NTRK2: variants seen among roughly 807,000 people sequenced by gnomAD.
NTRK2 encodes BDNF/NT-3 growth factors receptor.
In NTRK2, 13 loss-of-function variants were observed where a neutral mutation model predicts 94.5. The ratio of observed to expected loss-of-function variants is 0.14; its 90% confidence interval spans 0.09 to 0.22. The LOEUF is 0.22. NTRK2 is among the 10% of genes least tolerant of loss of function. NTRK2 has a pLI of 1.00. For missense variants in NTRK2, 639 were observed against 1,071.2 expected, an observed-to-expected ratio of 0.60 and a Z score of 5.63; for synonymous variants, 372 against 407.4, an observed-to-expected ratio of 0.91 and a Z score of 1.05.
chr9:84,763,296 C>T (rs979443620), intron 12 of NTRK2, among the ~76,000 whole-genome samples: 11 of 152,096 alleles, frequency 7.2e-5, no homozygotes, highest in Non-Finnish European at 1.3e-4. Context: ...AACCCTCATA[C>T]TTGACCTGGG....
intron 17 of NTRK2, among the ~76,000 whole-genome samples, chr9:84,999,400 C>G (rs1830102193): frequency 1.3e-5 from 2 of 152,116 alleles, no homozygotes; most frequent in African/African-American, 4.8e-5. Flanking sequence ...ATGTCTTTAG[C>G]TATGGTACTA....
chr9:84,901,521 C>T (rs781356998), intron 14 of NTRK2, among the ~76,000 whole-genome samples: 4 of 152,052 alleles, frequency 2.6e-5, no homozygotes, highest in Non-Finnish European at 5.9e-5. Context: ...TGTTAGCCAC[C>T]GCGCCCGACC....
chr9:84,692,468 C>CTTT (rs71369138), intron 2 of NTRK2, among the ~76,000 whole-genome samples: 5 of 87,688 alleles, frequency 5.7e-5, no homozygotes, highest in East Asian at 3.5e-4. Context: ...TTCTTTTTTT[C>CTTT]TTTTTTTTTT....
At chr9:84,688,062 G>A (rs2059825568) in intron 2 of NTRK2, among the ~76,000 whole-genome samples, 2 of 152,322 alleles carry the variant, frequency 1.3e-5, no homozygotes, top group South Asian at 2.1e-4. Flanking sequence ...GCACCCTCAG[G>A]AAGATGGATC....
intron 14 of NTRK2, among the ~76,000 whole-genome samples, chr9:84,894,879 G>T (rs2076714358): frequency 1.3e-5 from 2 of 152,140 alleles, no homozygotes; most frequent in Admixed American, 6.5e-5. Flanking sequence ...GAGGGAAATT[G>T]GACAGGCATC....
At chr9:84,980,282 GA>G in intron 17 of NTRK2, among the ~76,000 whole-genome samples, 1 of 152,094 alleles carries the variant, frequency 6.6e-6, no homozygotes, top group Non-Finnish European at 1.5e-5. Context: ...TGGACTTTTA[GA>G]TTTTTTCTGT....
At chr9:85,012,339 A>C (rs1386306447) in intron 17 of NTRK2, among the ~76,000 whole-genome samples, 4 of 152,050 alleles carry the variant, frequency 2.6e-5, no homozygotes, top group Non-Finnish European at 5.9e-5. Context: ...CCCATAGTAT[A>C]ATTCACCCTT....
chr9:84,853,479 A>C (rs575300350), intron 12 of NTRK2, among the ~76,000 whole-genome samples: 1 of 152,356 alleles, frequency 6.6e-6, no homozygotes, highest in Non-Finnish European at 1.5e-5. Flanking sequence ...GCCACAAATC[A>C]GGAGAGTAGC....
intron 12 of NTRK2, among the ~76,000 whole-genome samples, chr9:84,823,938 G>A (rs957893730): frequency 6.6e-6 from 1 of 152,160 alleles, no homozygotes; most frequent in African/African-American, 2.4e-5. Context: ...GCTGAGATGA[G>A]GATTCATGTG....
chr9:84,728,645 G>T (rs1396527862), intron 9 of NTRK2, among the ~76,000 whole-genome samples: 1 of 152,062 alleles, frequency 6.6e-6, no homozygotes, highest in African/African-American at 2.4e-5. Flanking sequence ...TAGTGTCTTG[G>T]ACTGTTTTGC....
chr9:84,804,600 G>A (rs912408279), intron 12 of NTRK2, among the ~76,000 whole-genome samples: 1 of 152,162 alleles, frequency 6.6e-6, no homozygotes, highest in African/African-American at 2.4e-5. Context: ...GTAAGTTTCA[G>A]CACTCTGGCT....
intron 14 of NTRK2, chr9:84,875,233 G>A: frequency 9.5e-7 from 1 of 1,058,190 alleles, no homozygotes. Context: ...AGATTGTGCT[G>A]CACAGTGTGT....
Position 84,944,211 on chromosome 9 carries a change from T to A in NTRK2, c.1765-4251T>A, listed in dbSNP as rs1035797761. ...AGCTTGTTCTCTCTCTCTCTCTCTC[T>A]CTCTCACACACACACACACACACAC... On this transcript the variant is annotated intron_variant, in intron 15 of 18. Coordinates refer to ENST00000277120, the MANE Select transcript of NTRK2 (RefSeq NM_006180.6). 7.0e-3 allele frequency among the ~76,000 whole-genome samples: 978 copies of A among 138,852 alleles called. 16 individuals carry two copies. Among genetic ancestry groups the A allele is most frequent in the African/African-American group, 0.026 (906 of 34,836 alleles). 91.1% of individuals were successfully genotyped at this position (138,852 alleles called of 152,430 possible). A position where few individuals can be genotyped will look rare whatever the true frequency, so the allele number is the denominator to read the frequency against.
intron 14 of NTRK2, among the ~76,000 whole-genome samples, chr9:84,871,199 A>G (rs868058041): frequency 3.9e-5 from 6 of 152,198 alleles, no homozygotes; most frequent in African/African-American, 1.4e-4. Context: ...CAAAACCCCA[A>G]TTACCAACAA....
At chr9:84,674,211 T>G (rs2058884874) in intron 2 of NTRK2, among the ~76,000 whole-genome samples, 1 of 152,232 alleles carries the variant, frequency 6.6e-6, no homozygotes, top group Non-Finnish European at 1.5e-5. Flanking sequence ...TGCATTTTTA[T>G]GTTGCACGTG....
chr9:84,757,285 T>G (rs1031075573), intron 12 of NTRK2, among the ~76,000 whole-genome samples: 1 of 152,218 alleles, frequency 6.6e-6, no homozygotes, highest in Non-Finnish European at 1.5e-5. Flanking sequence ...CACCTTCTTC[T>G]GCATGACCAT....
At chr9:84,758,162 G>T (rs1345152067) in intron 12 of NTRK2, among the ~76,000 whole-genome samples, 1 of 151,200 alleles carries the variant, frequency 6.6e-6, no homozygotes, top group Non-Finnish European at 1.5e-5. Context: ...GATATTTGTG[G>T]CTCATATTTT....
intron 14 of NTRK2, among the ~76,000 whole-genome samples, chr9:84,909,996 T>A (rs1040979469): frequency 6.6e-6 from 1 of 152,218 alleles, no homozygotes; most frequent in African/African-American, 2.4e-5. Flanking sequence ...AGTCTAGGAA[T>A]ACTGTGCTTG....
rs78557749 is a variant in NTRK2 at position 84,922,350 on chromosome 9, C to T, written c.1634-11812C>T. On this transcript the variant is annotated intron_variant, in intron 14 of 18. Coordinates refer to ENST00000277120, the MANE Select transcript of NTRK2 (RefSeq NM_006180.6). ...GAGTTCAAAGGGCACATCTTCCAAC[C>T]GCAAACCCTATGCTCAAAGGATTTG... Among the ~76,000 whole-genome samples, 1,435 of 152,288 alleles carry T rather than the reference C, an allele frequency of 9.4e-3. 24 individuals are homozygous for T. Among genetic ancestry groups the T allele is most frequent in the African/African-American group, 0.032 (1,326 of 41,558 alleles).
Sources: allele counts gnomAD v4.1 joint callset (sites outside exome capture counted in the v4.1 genomes callset), GRCh38; gene constraint gnomAD v4.1.1; transcripts MANE v1.5; gene names NCBI Gene and HGNC (gene_info 2026-07-23, HGNC 2026-07-21).